The following GRK5 variants were observed in gnomAD, a reference collection of about 807,000 sequenced individuals.
The protein encoded by GRK5 is g protein-coupled receptor kinase GRK5.
Under a neutral mutation model 78.4 loss-of-function variants are expected in GRK5, and 40 were observed. That is an observed-to-expected ratio of 0.51 (90% CI 0.40 to 0.66). The LOEUF (loss-of-function observed/expected upper bound fraction) is 0.66, where lower values mean the gene tolerates loss of function less well. Ranked by LOEUF, GRK5 falls within the 30% of genes least tolerant of loss-of-function variation. The pLI, the probability that GRK5 is intolerant of heterozygous loss-of-function variation, is 0.00. For synonymous variants in GRK5, 289 were observed against 296.8 expected, an observed-to-expected ratio of 0.97 and a Z score of 0.27; for missense variants, 598 against 759.9, an observed-to-expected ratio of 0.79 and a Z score of 2.50.
chr10:119,381,747 G>T (rs1196381961), intron 3 of GRK5, among the ~76,000 whole-genome samples: 2 of 152,132 alleles, frequency 1.3e-5, no homozygotes, highest in African/African-American at 4.8e-5. Context: ...AGTCATCCAG[G>T]CCCCTCCCCT....
At chr10:119,351,809 T>C (rs1851189133) in intron 2 of GRK5, among the ~76,000 whole-genome samples, 4 of 152,226 alleles carry the variant, frequency 2.6e-5, no homozygotes, top group African/African-American at 9.7e-5. Flanking sequence ...TGTCAGATGG[T>C]AGTCCCAACT....
chr10:119,318,731 A>G (rs4752287), intron 1 of GRK5, among the ~76,000 whole-genome samples: 105,392 of 151,674 alleles, frequency 0.69, 38,179 homozygotes, highest in Non-Finnish European at 0.79. Flanking sequence ...CCCTCCCCAC[A>G]AGCACTGCAC....
At chr10:119,393,233 C>T (rs776769642) in intron 3 of GRK5, among the ~76,000 whole-genome samples, 13 of 152,384 alleles carry the variant, frequency 8.5e-5, no homozygotes, top group Non-Finnish European at 1.6e-4. Flanking sequence ...TGGCCTGGCA[C>T]GGACTCTTTG....
At chr10:119,226,925 C>T (rs1290055099) in intron 1 of GRK5, among the ~76,000 whole-genome samples, 2 of 152,092 alleles carry the variant, frequency 1.3e-5, no homozygotes, top group Admixed American at 1.3e-4. Flanking sequence ...GTGGCGTGAT[C>T]TTGGCTCACT....
chr10:119,229,209 C>G (rs1848787444), intron 1 of GRK5, among the ~76,000 whole-genome samples: 1 of 152,008 alleles, frequency 6.6e-6, no homozygotes, highest in Admixed American at 6.6e-5. Context: ...TTCCCAGTGC[C>G]CTGTGCTGGG....
chr10:119,393,330 G>A (rs1851917870), intron 3 of GRK5, among the ~76,000 whole-genome samples: 2 of 152,236 alleles, frequency 1.3e-5, no homozygotes, highest in African/African-American at 2.4e-5. Context: ...ATCCACCGGC[G>A]GGGCCTCTGC....
At chr10:119,396,406 G>A (rs1214368845) in intron 3 of GRK5, among the ~76,000 whole-genome samples, 2 of 152,228 alleles carry the variant, frequency 1.3e-5, no homozygotes, top group Non-Finnish European at 2.9e-5. Context: ...ATGGGTCTAG[G>A]GTGGGGCCTA....
intron 1 of GRK5, among the ~76,000 whole-genome samples, chr10:119,313,003 TCGTGACGGTGATGGTAGTGGTAATG>T (rs1850394208): frequency 4.7e-5 from 7 of 150,180 alleles, no homozygotes; most frequent in South Asian, 2.1e-4. Flanking sequence ...GTAATGGTGG[TCGTGACGGTGATGGTAGTGGTAATG>T]GCAGTGGTGA....
At chr10:119,297,322 TC>T (rs1244559842) in intron 1 of GRK5, among the ~76,000 whole-genome samples, 2 of 152,208 alleles carry the variant, frequency 1.3e-5, no homozygotes, top group African/African-American at 4.8e-5. Flanking sequence ...GTGCAGTTGT[TC>T]CCATTATCAC....
intron 1 of GRK5, among the ~76,000 whole-genome samples, chr10:119,219,393 G>C (rs1295586275): frequency 6.6e-6 from 1 of 152,096 alleles, no homozygotes; most frequent in East Asian, 1.9e-4. Flanking sequence ...GCAACATTTT[G>C]GATTTTAGAT....
At chr10:119,334,280 G>C (rs917993696) in intron 2 of GRK5, among the ~76,000 whole-genome samples, 5 of 152,186 alleles carry the variant, frequency 3.3e-5, no homozygotes, top group African/African-American at 1.2e-4. Flanking sequence ...CACCGCTCCA[G>C]CCTAGGTGAC....
chr10:119,261,591 C>A (rs1402223595), intron 1 of GRK5, among the ~76,000 whole-genome samples: 2 of 152,244 alleles, frequency 1.3e-5, no homozygotes, highest in African/African-American at 4.8e-5. Flanking sequence ...CACGCCACTG[C>A]ACTCCAGCCT....
intron 3 of GRK5, among the ~76,000 whole-genome samples, chr10:119,393,170 C>A (rs190501843): frequency 6.6e-6 from 1 of 152,348 alleles, no homozygotes; most frequent in Admixed American, 6.5e-5. Flanking sequence ...AAAAGCCCAG[C>A]TGGAGGCCTT....
intron 1 of GRK5, among the ~76,000 whole-genome samples, chr10:119,295,823 G>A (rs570303739): frequency 6.6e-6 from 1 of 151,986 alleles, no homozygotes; most frequent in Non-Finnish European, 1.5e-5. Context: ...GGGGGTGGTG[G>A]GGCATAAAAT....
rs950800832 is a variant in GRK5, at chr10:119,336,514, T to G, written c.148+9903T>G. ...AAAAATCAAATGAATAAAGACCAAA[T>G]ACCCTGCCTGATTCCACAGTGGGGC... is the stretch of plus-strand genomic sequence containing the variant. On this transcript the variant is annotated intron_variant, in intron 2 of 15. Transcript: ENST00000392870. This position sits in a 1 kb window ranked among gnomAD's most constrained non-coding sequence, Gnocchi z 4.5. Among the ~76,000 whole-genome samples, 4 of 152,198 alleles carry G rather than the reference T, an allele frequency of 2.6e-5. No homozygotes were observed. The highest frequency in any genetic ancestry group is 4.4e-5 in the Non-Finnish European group (3 of 68,036).
At chr10:119,313,136 GATGGTAGTGGTGATGGTGGTGGTA>G (rs1850411957) in intron 1 of GRK5, among the ~76,000 whole-genome samples, 3 of 145,390 alleles carry the variant, frequency 2.1e-5, no homozygotes, top group Non-Finnish European at 3.1e-5. Flanking sequence ...TGATGGTAAT[GATGGTAGTGGTGATGGTGGTGGTA>G]ATGGTAGTGG....
At chr10:119,255,832 T>C (rs7091968) in intron 1 of GRK5, among the ~76,000 whole-genome samples, 19,821 of 152,122 alleles carry the variant, frequency 0.13, 1,395 homozygotes, top group Middle Eastern at 0.18. Context: ...AGGCCTGGCT[T>C]TGCCCTCGAG....
chr10:119,272,175 T>C (rs990835173), intron 1 of GRK5, among the ~76,000 whole-genome samples: 12 of 152,228 alleles, frequency 7.9e-5, no homozygotes, highest in African/African-American at 2.9e-4. Context: ...GCTCAGGGCA[T>C]AGATGCTAAA....
intron 2 of GRK5, chr10:119,335,121 C>A (rs1850851837): frequency 1.5e-5 from 1 of 67,278 alleles, no homozygotes; most frequent in Admixed American, 1.6e-4. Context: ...TTTGCCCTGC[C>A]TGCCTTGCCT....
Sources: allele counts gnomAD v4.1 joint callset (sites outside exome capture counted in the v4.1 genomes callset), GRCh38; gene constraint gnomAD v4.1.1; non-coding constraint Gnocchi (gnomAD v3.1); transcripts MANE v1.5; gene names NCBI Gene and HGNC (gene_info 2026-07-23, HGNC 2026-07-21).